The following SYTL5 variants were observed in gnomAD, a reference collection of about 807,000 sequenced individuals.
SYTL5 encodes the protein synaptotagmin-like protein 5.
A neutral mutation model predicts 55.9 loss-of-function variants in SYTL5; 34 were observed. The observed-to-expected ratio is 0.61, with a 90% CI of 0.46 to 0.81. The LOEUF (loss-of-function observed/expected upper bound fraction) is 0.81. Ranked by LOEUF, SYTL5 falls within the 30% of genes least tolerant of loss-of-function variation. The probability of loss-of-function intolerance (pLI) is 0.00; values close to 1 mark genes in which losing one functional copy is unlikely to be tolerated. For missense variants in SYTL5, 637 were observed against 546.7 expected (o/e 1.17, Z -1.65); for synonymous variants, 221 against 188.7 (o/e 1.17, Z -1.40).
the SYTL5 span, among the ~76,000 whole-genome samples, chrX:37,931,780 A>G: frequency 8.9e-6 from 1 of 112,074 alleles, no homozygotes; most frequent in Non-Finnish European, 1.9e-5. Flanking sequence ...TGTAATTCAA[A>G]TCCTGTAAAT....
chrX:38,011,337 A>G (rs779171906), intron 1 of SYTL5, among the ~76,000 whole-genome samples: 7 of 112,088 alleles, frequency 6.2e-5, no homozygotes, highest in South Asian at 7.4e-4. Flanking sequence ...CCTAGAGAGT[A>G]TGTTATACTG....
intron 6 of SYTL5, among the ~76,000 whole-genome samples, chrX:38,089,063 T>C (rs1295566093): frequency 1.8e-5 from 2 of 111,945 alleles, no homozygotes; most frequent in African/African-American, 6.5e-5. Context: ...AAGATGTGTA[T>C]AGACAGAGAG....
chrX:37,955,459 A>C, the SYTL5 span, among the ~76,000 whole-genome samples: 2 of 112,300 alleles, frequency 1.8e-5, no homozygotes, highest in Non-Finnish European at 3.8e-5. Flanking sequence ...TGTGTTTGCA[A>C]AATGAGTGAG....
intron 6 of SYTL5, 57 bp downstream of exon 6, chrX:38,076,758 C>T: frequency 1.8e-6 from 2 of 1,110,931 alleles, no homozygotes; most frequent in Non-Finnish European, 2.4e-6. Flanking sequence ...TGATATATTC[C>T]CATTCATAGG....
At chrX:37,966,581 A>G in the SYTL5 span, among the ~76,000 whole-genome samples, 1 of 107,360 alleles carries the variant, frequency 9.3e-6, no homozygotes, top group Non-Finnish European at 1.9e-5. Flanking sequence ...GGAACTACAG[A>G]TGCACGCCAC....
At chrX:38,090,570 A>C (rs759849867) in intron 7 of SYTL5, among the ~76,000 whole-genome samples, 6 of 112,199 alleles carry the variant, frequency 5.3e-5, no homozygotes, top group Non-Finnish European at 1.1e-4. Flanking sequence ...ATATTTGATA[A>C]ATCTTTATAT....
chrX:38,022,510 T>G (rs1020489622), intron 1 of SYTL5, among the ~76,000 whole-genome samples: 1 of 111,797 alleles, frequency 8.9e-6, no homozygotes, highest in African/African-American at 3.2e-5. Context: ...CTGCATTCCT[T>G]GGCTTGTGGC....
chrX:37,994,059 A>G, the SYTL5 span, among the ~76,000 whole-genome samples: 1 of 111,647 alleles, frequency 9.0e-6, no homozygotes, highest in African/African-American at 3.3e-5. Context: ...TCCTTTCAAA[A>G]AGAAGCTCCG....
intron 3 of SYTL5, among the ~76,000 whole-genome samples, chrX:38,054,665 T>TA: frequency 9.3e-6 from 1 of 107,213 alleles, no homozygotes; most frequent in African/African-American, 3.4e-5. Context: ...AATATTTTTT[T>TA]AAAAATTGCA....
upstream of SYTL5, among the ~76,000 whole-genome samples, chrX:38,005,046 A>T (rs1480090917): frequency 1.8e-5 from 2 of 111,150 alleles, no homozygotes; most frequent in Admixed American, 9.6e-5. Context: ...TCATAAATAT[A>T]TACACCTACT....
intron 9 of SYTL5, among the ~76,000 whole-genome samples, chrX:38,101,180 A>G (rs951142457): frequency 2.2e-4 from 25 of 111,559 alleles, no homozygotes; most frequent in African/African-American, 7.5e-4. Flanking sequence ...CAGTTAAACT[A>G]TAAATAAAAG....
chrX:38,020,979 AGCCCAT>A (rs762701352), intron 1 of SYTL5, among the ~76,000 whole-genome samples: 27 of 111,648 alleles, frequency 2.4e-4, no homozygotes, highest in Admixed American at 8.6e-4. Context: ...TAGTTTCCAA[AGCCCAT>A]ACCCTTTCCT....
chrX:38,071,670 G>C (rs1936268436), intron 3 of SYTL5, among the ~76,000 whole-genome samples: 1 of 111,631 alleles, frequency 9.0e-6, no homozygotes, highest in African/African-American at 3.3e-5. Context: ...CACTAATGCA[G>C]TGGTTAAGAA....
At chrX:37,931,221 G>A in the SYTL5 span, among the ~76,000 whole-genome samples, 1 of 111,817 alleles carries the variant, frequency 8.9e-6, no homozygotes, top group South Asian at 3.7e-4. Flanking sequence ...GAGAGAATTT[G>A]GCATGTTAGA....
intron 6 of SYTL5, among the ~76,000 whole-genome samples, chrX:38,084,910 A>T (rs1301184920): frequency 2.7e-5 from 3 of 111,303 alleles, no homozygotes; most frequent in African/African-American, 9.8e-5. Context: ...TTCATGTGTC[A>T]CAAAATATTA....
chrX:38,100,870 G>A (rs963167144), intron 9 of SYTL5, among the ~76,000 whole-genome samples: 5 of 110,610 alleles, frequency 4.5e-5, no homozygotes, highest in African/African-American at 1.3e-4. Flanking sequence ...GTGTATATGC[G>A]CCAGGATACA....
At chrX:37,889,458 A>G in the SYTL5 span, among the ~76,000 whole-genome samples, 4 of 111,959 alleles carry the variant, frequency 3.6e-5, no homozygotes, top group East Asian at 1.1e-3. Context: ...CTAAAAAATA[A>G]AAGCTGACTA....
chrX:38,017,273 A>G (rs1400563201), intron 1 of SYTL5, among the ~76,000 whole-genome samples: 3 of 112,050 alleles, frequency 2.7e-5, no homozygotes, highest in African/African-American at 9.7e-5. Context: ...TTACTAATTT[A>G]TATCATTAGA....
At chrX:38,115,174 G>T (rs749982428) in intron 13 of SYTL5, among the ~76,000 whole-genome samples, 1 of 111,751 alleles carries the variant, frequency 8.9e-6, no homozygotes, top group Non-Finnish European at 1.9e-5. Flanking sequence ...GCATGGGAGT[G>T]TAGAGATCTC....
Sources: gnomAD v4.1 joint callset for allele counts (sites outside exome capture counted in the v4.1 genomes callset) on GRCh38, gnomAD v4.1.1 for gene constraint, MANE v1.5 for transcripts, NCBI Gene and HGNC (gene_info 2026-07-23, HGNC 2026-07-21) for gene names.